ARHGAP32: variants seen among roughly 807,000 people sequenced by gnomAD.
ARHGAP32 encodes the protein rho GTPase-activating protein 32.
Under a neutral mutation model 186.5 loss-of-function variants are expected in ARHGAP32, and 51 were observed. The ratio of observed to expected loss-of-function variants is 0.27; its 90% CI spans 0.22 to 0.35. The LOEUF (loss-of-function observed/expected upper bound fraction) is 0.35, where lower values mean the gene tolerates loss of function less well. Ranked by LOEUF, ARHGAP32 falls within the 10% of genes least tolerant of loss-of-function variation. ARHGAP32 has a pLI of 1.00. For synonymous variants in ARHGAP32, 950 were observed against 964.3 expected (o/e 0.99, Z 0.27); for missense variants, 2,186 against 2,623.5 (o/e 0.83, Z 3.64).
intron 1 of ARHGAP32, among the ~76,000 whole-genome samples, chr11:129,206,717 GGT>G (rs1944518880): frequency 6.6e-6 from 1 of 151,532 alleles, no homozygotes; most frequent in African/African-American, 2.4e-5. Flanking sequence ...TTGTTCTATG[GGT>G]TCCTCTAGCT....
intron 1 of ARHGAP32, among the ~76,000 whole-genome samples, chr11:129,232,870 C>T (rs552529053): frequency 6.6e-6 from 1 of 152,164 alleles, no homozygotes; most frequent in African/African-American, 2.4e-5. Flanking sequence ...CTTTCCGCTA[C>T]CAGCCTGAGA....
chr11:129,105,818 G>A (rs963444428), intron 5 of ARHGAP32, among the ~76,000 whole-genome samples: 3 of 151,982 alleles, frequency 2.0e-5, no homozygotes, highest in Non-Finnish European at 2.9e-5. Context: ...CTATATATGG[G>A]ACTTAACTAG....
chr11:129,256,210 C>T (rs76797097), intron 1 of ARHGAP32, among the ~76,000 whole-genome samples: 1 of 152,124 alleles, frequency 6.6e-6, no homozygotes, highest in African/African-American at 2.4e-5. Context: ...AGATGCTAGT[C>T]ACATATATGT....
At chr11:129,210,682 T>C (rs1341185023) in intron 1 of ARHGAP32, among the ~76,000 whole-genome samples, 1 of 152,196 alleles carries the variant, frequency 6.6e-6, no homozygotes, top group Non-Finnish European at 1.5e-5. Flanking sequence ...GGTGGAGCTT[T>C]GAGTCTGACT....
At chr11:129,184,015 T>C (rs17559157) in intron 1 of ARHGAP32, among the ~76,000 whole-genome samples, 29,488 of 152,048 alleles carry the variant, frequency 0.19, 3,056 homozygotes, top group Non-Finnish European at 0.23. Context: ...TTGATACACT[T>C]CTGAAAGACT....
At position 129,021,794 on chromosome 11, in the gene ARHGAP32, G is replaced by A. The variant is rs565927038; in HGVS notation, c.1045+19134C>T. On this transcript the variant is annotated intron_variant, in intron 11 of 22. Transcript: ENST00000682385. ...ACTTGGTACAAAATCAAAGTAAGAAGTATTTTTAACTTGCTGACTTTACCA... is the reference window on the plus strand; with the variant it reads ...ACTTGGTACAAAATCAAAGTAAGAAATATTTTTAACTTGCTGACTTTACCA... 3.9e-5 allele frequency among the ~76,000 whole-genome samples: 6 copies of A among 152,120 alleles called. No homozygotes were observed. The East Asian group carries it at 1.2e-3, about 29-fold the overall frequency.
upstream of ARHGAP32, among the ~76,000 whole-genome samples, chr11:129,197,270 C>T (rs1394010461): frequency 6.6e-6 from 1 of 152,052 alleles, no homozygotes; most frequent in Non-Finnish European, 1.5e-5. Context: ...ATATCCAATA[C>T]CCGTTATCTA....
At chr11:129,167,650 G>A (rs1359272041) in intron 1 of ARHGAP32, among the ~76,000 whole-genome samples, 2 of 152,168 alleles carry the variant, frequency 1.3e-5, no homozygotes, top group African/African-American at 4.8e-5. Flanking sequence ...CTCTATATAT[G>A]AAATTTTCAG....
rs931273307 is a variant in ARHGAP32, at chr11:128,965,283, G to A, written c.*3624C>T. 2.6e-5 allele frequency: 4 copies of A among 151,720 alleles called. No homozygotes were observed. Among genetic ancestry groups the A allele is most frequent in the African/African-American group, 7.3e-5 (3 of 41,232 alleles). 9.4% of individuals were successfully genotyped at this position (151,720 alleles called of 1,614,324 possible). The stretch of plus-strand genomic sequence containing the variant: ...GAGACTCTAAATATTTACATATGGG[G>A]CAAGAAATAAATCACAAAACTATTT... On this transcript the variant is annotated 3_prime_UTR_variant, in exon 23 of 23. Coordinates refer to ENST00000682385, the MANE Select transcript of ARHGAP32 (RefSeq NM_001378024.1).
intron 2 of ARHGAP32, 84 bp downstream of exon 2, chr11:129,164,235 A>T: frequency 1.2e-6 from 1 of 833,954 alleles, no homozygotes; most frequent in Non-Finnish European, 1.8e-6. Flanking sequence ...TTTTTGTGTA[A>T]TGTGTCCTCA....
rs149605870 is a variant in ARHGAP32, at chr11:129,107,698, G to A, written c.445-13991C>T. On this transcript the variant is annotated intron_variant, in intron 5 of 22. Coordinates refer to ENST00000682385, the MANE Select transcript of ARHGAP32 (RefSeq NM_001378024.1). ...AGCCTGACCAACATGGAGAAACCCCGTCTCTACTAAAAATACAAAATTAGC... is the reference window on the plus strand; with the variant it reads ...AGCCTGACCAACATGGAGAAACCCCATCTCTACTAAAAATACAAAATTAGC... 3.0e-3 allele frequency among the ~76,000 whole-genome samples: 457 copies of A among 151,952 alleles called. 5 individuals carry two copies. Among genetic ancestry groups the A allele is most frequent in the Non-Finnish European group, 9.0e-4 (61 of 67,938 alleles).
chr11:129,236,661 T>C (rs865944180), intron 1 of ARHGAP32, among the ~76,000 whole-genome samples: 5 of 152,212 alleles, frequency 3.3e-5, no homozygotes, highest in South Asian at 4.1e-4. Flanking sequence ...GATACGTCTT[T>C]AGGGTTTTCT....
chr11:129,035,493 A>G (rs1282980031), intron 11 of ARHGAP32, among the ~76,000 whole-genome samples: 2 of 152,234 alleles, frequency 1.3e-5, no homozygotes, highest in African/African-American at 2.4e-5. Context: ...AGACAGTTTT[A>G]AAGTGTGAAA....
intron 1 of ARHGAP32, among the ~76,000 whole-genome samples, chr11:129,260,882 GA>G (rs1378787763): frequency 1.8e-4 from 27 of 152,092 alleles, no homozygotes; most frequent in Non-Finnish European, 7.4e-5. Flanking sequence ...ACTCCTACAT[GA>G]ACACAAACCA....
intron 1 of ARHGAP32, among the ~76,000 whole-genome samples, chr11:129,261,524 G>A (rs1197123972): frequency 6.6e-6 from 1 of 152,134 alleles, no homozygotes; most frequent in Non-Finnish European, 1.5e-5. Context: ...AATAGGTCCG[G>A]TTACATTAAT....
At chr11:129,163,143 T>A (rs1943564342) in intron 2 of ARHGAP32, among the ~76,000 whole-genome samples, 1 of 152,204 alleles carries the variant, frequency 6.6e-6, no homozygotes, top group Non-Finnish European at 1.5e-5. Context: ...GACAAATATG[T>A]TCAATTAAAA....
At chr11:129,170,956 G>C (rs965696443) in intron 1 of ARHGAP32, among the ~76,000 whole-genome samples, 2 of 152,168 alleles carry the variant, frequency 1.3e-5, no homozygotes, top group African/African-American at 4.8e-5. Context: ...GTTGGCCACA[G>C]AAATGTCTTC....
chr11:129,101,905 C>T (rs1417288779), intron 5 of ARHGAP32, among the ~76,000 whole-genome samples: 3 of 152,120 alleles, frequency 2.0e-5, no homozygotes, highest in African/African-American at 4.8e-5. Flanking sequence ...ACATAATTGT[C>T]AGATTCTCCA....
intron 21 of ARHGAP32, chr11:128,973,690 T>G: frequency 1.8e-6 from 1 of 552,410 alleles, no homozygotes; most frequent in Non-Finnish European, 3.2e-6. Context: ...AAAAAGCATG[T>G]CCCTCACCTG....
Sources: gnomAD v4.1 joint callset for allele counts (sites outside exome capture counted in the v4.1 genomes callset) on GRCh38, gnomAD v4.1.1 for gene constraint, MANE v1.5 for transcripts, NCBI Gene and HGNC (gene_info 2026-07-23, HGNC 2026-07-21) for gene names.